ANO6: variants seen among roughly 807,000 people sequenced by gnomAD.
The protein encoded by ANO6 is anoctamin 6, also known as anoctamin-6.
A neutral mutation model predicts 117.5 loss-of-function variants in ANO6; 106 were observed. That is an observed-to-expected ratio of 0.90 (90% confidence interval 0.77 to 1.06). The LOEUF is 1.06. ANO6 is among the 50% of genes least tolerant of loss of function. The pLI is 0.00. For missense variants in ANO6, 955 were observed against 1,121.1 expected (o/e 0.85, Z 2.12); for synonymous variants, 367 against 385.1 (o/e 0.95, Z 0.55).
intron 2 of ANO6, among the ~76,000 whole-genome samples, chr12:45,303,073 A>T (rs550014427): frequency 6.6e-6 from 1 of 152,348 alleles, no homozygotes; most frequent in African/African-American, 2.4e-5. Flanking sequence ...CCAAGAGTAA[A>T]GAAACTAGAG....
At chr12:45,233,427 T>C (rs1947603215) in intron 1 of ANO6, among the ~76,000 whole-genome samples, 1 of 152,218 alleles carries the variant, frequency 6.6e-6, no homozygotes, top group Non-Finnish European at 1.5e-5. Context: ...CTTATTTTTC[T>C]GTGTAGGGAT....
chr12:45,362,348 C>A (rs919264430), intron 8 of ANO6, among the ~76,000 whole-genome samples: 2 of 151,958 alleles, frequency 1.3e-5, no homozygotes, highest in African/African-American at 4.8e-5. Flanking sequence ...TTTCCCTTTT[C>A]ATTTCTGATT....
downstream of ANO6, among the ~76,000 whole-genome samples, chr12:45,435,673 AGGCTG>A (rs1178298079): frequency 1.3e-5 from 2 of 151,838 alleles, no homozygotes; most frequent in Admixed American, 1.3e-4. Flanking sequence ...TGTTTTAATT[AGGCTG>A]GACAAGTACA....
At chr12:45,286,518 T>C (rs1938920641) in intron 1 of ANO6, among the ~76,000 whole-genome samples, 1 of 152,202 alleles carries the variant, frequency 6.6e-6, no homozygotes. Context: ...GCTAATGTGT[T>C]TTGAGTTCTC....
intron 1 of ANO6, among the ~76,000 whole-genome samples, chr12:45,242,843 C>A (rs908117197): frequency 4.6e-5 from 7 of 150,976 alleles, no homozygotes; most frequent in Non-Finnish European, 5.9e-5. Flanking sequence ...TTTTCACATA[C>A]CTTTGGGTAA....
chr12:45,407,430 T>TCGG (rs1942964582), intron 15 of ANO6, among the ~76,000 whole-genome samples: 1 of 145,018 alleles, frequency 6.9e-6, no homozygotes, highest in Non-Finnish European at 1.5e-5. Context: ...ACCTTAGAGT[T>TCGG]CGGTGTCATG....
chr12:45,367,554 T>C (rs1404371553), intron 8 of ANO6, 134 bp from the exon 9 acceptor site: 7 of 666,748 alleles, frequency 1.0e-5, no homozygotes, highest in Admixed American at 3.0e-5. Flanking sequence ...AACAAAGTTT[T>C]ATGTAACAGA....
intron 1 of ANO6, among the ~76,000 whole-genome samples, chr12:45,278,044 C>T (rs1260658005): frequency 5.9e-5 from 9 of 152,108 alleles, no homozygotes; most frequent in African/African-American, 2.2e-4. Context: ...CCTCAAACTC[C>T]TAGCTCAAGC....
chr12:45,386,568 T>G (rs1484332228), intron 10 of ANO6, among the ~76,000 whole-genome samples: 1 of 152,230 alleles, frequency 6.6e-6, no homozygotes. Flanking sequence ...TGCTGCATCA[T>G]GTACCTGCCA....
At position 45,216,640 on chromosome 12, in the gene ANO6, G is replaced by T. The variant is rs540372739; in HGVS notation, c.70+249G>T. On this transcript the variant is annotated intron_variant, in intron 1 of 19. Transcript: ENST00000320560. ...AGGCTCCTGACGGGCGGGGGATGCT[G>T]CCCCTGAAAAGCCTGGCAGCTGCGG... 8.0e-4 allele frequency among the ~76,000 whole-genome samples: 122 copies of T among 152,346 alleles called. 1 individual carries two copies. Among genetic ancestry groups the T allele is most frequent in the African/African-American group, 2.9e-3 (119 of 41,584 alleles).
intron 19 of ANO6, among the ~76,000 whole-genome samples, chr12:45,424,632 C>T (rs1352086364): frequency 4.6e-5 from 7 of 151,984 alleles, no homozygotes; most frequent in Admixed American, 2.6e-4. Context: ...CCACTGCGCC[C>T]GGCCTAGGTG....
At chr12:45,222,966 G>A (rs1185754436) in intron 1 of ANO6, among the ~76,000 whole-genome samples, 1 of 152,224 alleles carries the variant, frequency 6.6e-6, no homozygotes, top group African/African-American at 2.4e-5. Flanking sequence ...CTCCATAAAG[G>A]TCCAAGAGGA....
intron 12 of ANO6, among the ~76,000 whole-genome samples, chr12:45,397,840 G>C (rs1370206262): frequency 6.6e-6 from 1 of 152,136 alleles, no homozygotes; most frequent in African/African-American, 2.4e-5. Flanking sequence ...TTGGGCGGTG[G>C]GGGGCTAGGG....
At position 45,403,150 on chromosome 12, in the gene ANO6, C is replaced by T. The variant is rs762936712; in HGVS notation, c.1691C>T (p.Ser564Phe). 12 of 1,613,962 alleles carry T rather than the reference C, an allele frequency of 7.4e-6. No individual in the cohort carries two copies. Among genetic ancestry groups the T allele is most frequent in the South Asian group, 3.3e-5 (3 of 91,074 alleles). The change falls in exon 14 of 20, where the codon TCT becomes TTT. Residue 564 changes from serine to phenylalanine, a missense_variant. Physicochemically the swap from Ser to Phe is radical, Grantham distance 155 (BLOSUM62 -2). Coordinates refer to ENST00000320560, the MANE Select transcript of ANO6 (RefSeq NM_001025356.3). ...MFLFQFVNYY[S>F]SCFYIAFFKG... is the part of the protein sequence containing the mutation. ...TTATTCCAGTTTGTCAACTACTACT[C>T]TTCATGCTTCTACATAGCATTCTTT... is the stretch of plus-strand genomic sequence containing the variant.
At chr12:45,362,851 A>T (rs1236272731) in intron 8 of ANO6, among the ~76,000 whole-genome samples, 1 of 152,190 alleles carries the variant, frequency 6.6e-6, no homozygotes, top group Non-Finnish European at 1.5e-5. Context: ...TCATCATGCA[A>T]ATTACAACTT....
intron 1 of ANO6, among the ~76,000 whole-genome samples, chr12:45,218,843 A>G (rs1478269567): frequency 6.6e-6 from 1 of 152,146 alleles, no homozygotes; most frequent in Non-Finnish European, 1.5e-5. Flanking sequence ...CTAGTACTTG[A>G]TTGTCACTGT....
intron 9 of ANO6, among the ~76,000 whole-genome samples, chr12:45,371,704 C>T (rs1565727139): frequency 6.6e-6 from 1 of 152,186 alleles, no homozygotes. Context: ...ACCAAAAACC[C>T]ATCTGTACAT....
chr12:45,243,274 GT>G (rs1189080340), intron 1 of ANO6, among the ~76,000 whole-genome samples: 1 of 152,176 alleles, frequency 6.6e-6, no homozygotes, highest in Non-Finnish European at 1.5e-5. Context: ...AGCCATGATT[GT>G]GCCACTGCAC....
At chr12:45,316,130 G>A (rs1940016964) in intron 2 of ANO6, among the ~76,000 whole-genome samples, 1 of 152,084 alleles carries the variant, frequency 6.6e-6, no homozygotes, top group South Asian at 2.1e-4. Flanking sequence ...AGGATAAAGG[G>A]TTAATTAATT....
Sources: gnomAD v4.1 joint callset for allele counts (sites outside exome capture counted in the v4.1 genomes callset) on GRCh38, gnomAD v4.1.1 for gene constraint, MANE v1.5 for transcripts, NCBI Gene and HGNC (gene_info 2026-07-23, HGNC 2026-07-21) for gene names.